The following SEMA3F variants were observed in gnomAD, a reference collection of about 807,000 sequenced individuals.
SEMA3F encodes semaphorin 3F, also known as semaphorin-3F.
SEMA3F carries 30 observed loss-of-function variants against 98.5 expected under a neutral mutation model. The observed-to-expected ratio is 0.30, with a 90% confidence interval of 0.23 to 0.41. The LOEUF (loss-of-function observed/expected upper bound fraction) is 0.41. SEMA3F is among the 10% of genes least tolerant of loss of function. The pLI, the probability that SEMA3F is intolerant of heterozygous loss-of-function variation, is 1.00. For synonymous variants in SEMA3F, 380 were observed against 444.8 expected, an observed-to-expected ratio of 0.85 and a Z score of 1.83; for missense variants, 866 against 1,119.3, an observed-to-expected ratio of 0.77 and a Z score of 3.23.
intron 16 of SEMA3F, 96 bp downstream of exon 16, chr3:50,186,142 G>A (rs1034527630): frequency 4.8e-6 from 7 of 1,471,102 alleles, no homozygotes; most frequent in Non-Finnish European, 4.7e-6. Flanking sequence ...GGGTGCATGT[G>A]ATATTACCCT....
chr3:50,175,119 G>T lies in SEMA3F; in HGVS notation c.480G>T (p.Gln160His). The T allele has an allele frequency of 6.2e-7, 1 of 1,611,396 alleles. No individual in the cohort carries two copies. Among genetic ancestry groups the T allele is most frequent in the Non-Finnish European group, 8.5e-7 (1 of 1,179,148 alleles). The change falls in exon 6 of 19, where the codon CAG becomes CAT. Residue 160 changes from glutamine to histidine, a missense_variant. Physicochemically the swap from Gln to His is conservative, Grantham distance 24. Transcript: ENST00000002829. ...AGGCCACACCATGGACCCAGACTCA[G>T]GCGGTCAGAGGCCGCGGCAGCAGAG... ...RAQATPWTQTQAVRGRGSRAT... is the reference protein window; with the variant it reads ...RAQATPWTQTHAVRGRGSRAT...
chr3:50,180,977 G>C (rs1293614288), intron 7 of SEMA3F, among the ~76,000 whole-genome samples: 3 of 151,880 alleles, frequency 2.0e-5, no homozygotes, highest in African/African-American at 4.8e-5. Flanking sequence ...TGAGGCAAGA[G>C]AGTTGCTTGA....
In SEMA3F at chr3:50,188,221, A is replaced by C; in HGVS notation, c.*106A>C. 2.6e-6 allele frequency: 1 copy of C among 384,018 alleles called. No individual in the cohort carries two copies. The highest frequency in any genetic ancestry group is 2.1e-5 in the African/African-American group (1 of 47,422). The allele number at this position is 384,018 out of a possible 1,614,324, so 23.8% of individuals were successfully genotyped here. On this transcript the variant is annotated 3_prime_UTR_variant, in exon 19 of 19. Coordinates refer to ENST00000002829, the MANE Select transcript of SEMA3F (RefSeq NM_004186.5). This position sits in a 1 kb window ranked among gnomAD's most constrained non-coding sequence, Gnocchi z 4.5. ...TATAAAATATCTATATTCTATACAC[A>C]CCCTGCCCCTGCAAAGACAGTATTT...
At chr3:50,185,198 G>T (rs1385689339) in intron 13 of SEMA3F, among the ~76,000 whole-genome samples, 2 of 152,202 alleles carry the variant, frequency 1.3e-5, no homozygotes, top group African/African-American at 4.8e-5. Context: ...GAGAATGCAT[G>T]CCCCAGTGTC....
chr3:50,161,665 T>C (rs751598504), intron 2 of SEMA3F, among the ~76,000 whole-genome samples: 5 of 152,224 alleles, frequency 3.3e-5, no homozygotes, highest in African/African-American at 4.8e-5. Context: ...ATTTTGTGCT[T>C]AGACTTCACT....
In SEMA3F at chr3:50,183,272, G is replaced by C. The variant is rs1378566428; in HGVS notation, c.1088+17G>C. ...CTCCTCTGGGTGAGGCTGGGGTCAG[G>C]GCCAGCAGTGGCAGGGAGTGGCCCC... On this transcript the variant is annotated intron_variant, in intron 11 of 18. Coordinates refer to ENST00000002829, the MANE Select transcript of SEMA3F (RefSeq NM_004186.5). 1 of 1,613,106 alleles carries C rather than the reference G, an allele frequency of 6.2e-7. No individual in the cohort carries two copies. The highest frequency in any genetic ancestry group is 8.5e-7 in the Non-Finnish European group (1 of 1,179,188).
chr3:50,170,594 G>A (rs1364654845), intron 2 of SEMA3F, among the ~76,000 whole-genome samples: 8 of 152,104 alleles, frequency 5.3e-5, no homozygotes, highest in Non-Finnish European at 1.0e-4. Flanking sequence ...AGATCAGAAC[G>A]GGGTCACTGA....
intron 2 of SEMA3F, among the ~76,000 whole-genome samples, chr3:50,168,759 C>T (rs1698499235): frequency 6.6e-6 from 1 of 152,098 alleles, no homozygotes; most frequent in Non-Finnish European, 1.5e-5. Context: ...GTGGGGGTAT[C>T]CGGTAGGGAC....
Position 50,155,508 on chromosome 3 carries a change from AGCCGCTCCGT to A in SEMA3F, c.-99_-90del. The A allele has an allele frequency of 3.1e-6, 1 of 322,018 alleles. No individual in the cohort carries two copies. The highest frequency in any genetic ancestry group is 5.6e-6 in the Non-Finnish European group (1 of 177,280). 19.9% of individuals were successfully genotyped at this position (322,018 alleles called of 1,614,324 possible). ...CGCTAGCGCGGACCGGCCCAACGGG[AGCCGCTCCGT>A]GCCGCCGCCGCCGCCCGGGCGCCCA... On this transcript the variant is annotated 5_prime_UTR_variant, in exon 1 of 19. Transcript: ENST00000002829. This position sits in a 1 kb window ranked among gnomAD's most constrained non-coding sequence, Gnocchi z 4.9.
At chr3:50,155,080 C>A, upstream of SEMA3F, 1 of 386,162 alleles carries the variant, frequency 2.6e-6, no homozygotes, top group South Asian at 3.9e-5. This position sits in a 1 kb window ranked among gnomAD's most constrained non-coding sequence, Gnocchi z 4.9. Context: ...CCGCCGGCGG[C>A]CGCGAGACCA....
intron 13 of SEMA3F, 95 bp from the exon 14 acceptor site, chr3:50,185,348 A>AG: frequency 8.6e-7 from 1 of 1,158,928 alleles, no homozygotes; most frequent in Non-Finnish European, 1.2e-6. Context: ...CCAATGCCCT[A>AG]GGGGGGTTTG....
intron 14 of SEMA3F, 36 bp downstream of exon 14, chr3:50,185,567 C>T (rs777866148): frequency 6.2e-7 from 1 of 1,612,420 alleles, no homozygotes; most frequent in Non-Finnish European, 8.5e-7. Context: ...ACCTCCCCAC[C>T]TTTACCCTCC....
intron 14 of SEMA3F, 59 bp from the exon 15 acceptor site, chr3:50,185,607 C>T: frequency 6.2e-7 from 1 of 1,610,924 alleles, no homozygotes; most frequent in Non-Finnish European, 8.5e-7. Flanking sequence ...CCTGAGACCT[C>T]TAGGTCAGGG....
rs1455361190 is a variant in SEMA3F, at chr3:50,156,571, C to A, written c.-49+1007C>A. On this transcript the variant is annotated intron_variant, in intron 1 of 18. Coordinates refer to ENST00000002829, the MANE Select transcript of SEMA3F (RefSeq NM_004186.5). This position sits in a 1 kb window ranked among gnomAD's most constrained non-coding sequence, Gnocchi z 4.5. Reference sequence around the variant, plus strand: ...TATCCTAGTTGCAGAGAAGGGAAAACTGCACCCAGGGGTTGGGAGCCCCAT... The same window carrying A: ...TATCCTAGTTGCAGAGAAGGGAAAAATGCACCCAGGGGTTGGGAGCCCCAT... 2.0e-5 allele frequency among the ~76,000 whole-genome samples: 3 copies of A among 152,222 alleles called. No homozygotes were observed. Among genetic ancestry groups the A allele is most frequent in the Non-Finnish European group, 4.4e-5 (3 of 68,038 alleles).
chr3:50,182,623 G>C lies in SEMA3F; in HGVS notation c.764-21G>C. The C allele has an allele frequency of 6.8e-6, 11 of 1,608,198 alleles. No individual in the cohort carries two copies. Among genetic ancestry groups the C allele is most frequent in the Non-Finnish European group, 9.4e-6 (11 of 1,175,832 alleles). ...CACCATCAGAGTAGGGGCTCACCCA[G>C]CTGACCCCTGCCACCTGCAGACCCG... On this transcript the variant is annotated intron_variant, in intron 8 of 18. Transcript: ENST00000002829. The surrounding 1 kb of genome is among the most constrained non-coding windows in gnomAD (Gnocchi z 4.5).
intron 18 of SEMA3F, 104 bp from the exon 19 acceptor site, chr3:50,187,601 G>T: frequency 1.1e-6 from 1 of 869,932 alleles, no homozygotes; most frequent in South Asian, 2.3e-5. Flanking sequence ...ATCCCACATG[G>T]GTGCCTCTAC....
In SEMA3F at chr3:50,163,006, G is replaced by A. The variant is rs3774740; in HGVS notation, c.112+3272G>A. Among the ~76,000 whole-genome samples, 15 of 152,304 alleles carry A rather than the reference G, an allele frequency of 9.8e-5. No individual in the cohort carries two copies. The East Asian group carries it at 2.9e-3, about 29-fold the overall frequency. ...GTTTCCTGTGAGGAAGGAGGCTTAC[G>A]GGGGCTGAGCGGCTTCCCAGGTCAC... On this transcript the variant is annotated intron_variant, in intron 2 of 18. Coordinates refer to ENST00000002829, the MANE Select transcript of SEMA3F (RefSeq NM_004186.5).
intron 2 of SEMA3F, among the ~76,000 whole-genome samples, chr3:50,162,626 G>C (rs1030239916): frequency 1.3e-5 from 2 of 152,158 alleles, no homozygotes; most frequent in African/African-American, 4.8e-5. Flanking sequence ...CAGGCTCTGG[G>C]GCACCACCTC....
At chr3:50,163,356 T>C (rs13069856) in intron 2 of SEMA3F, among the ~76,000 whole-genome samples, 7,080 of 152,282 alleles carry the variant, frequency 0.046, 245 homozygotes, top group South Asian at 0.071. Flanking sequence ...TAGGAAGGCC[T>C]CTCATGTCAG....
Sources: gnomAD v4.1 joint callset for allele counts (sites outside exome capture counted in the v4.1 genomes callset) on GRCh38, gnomAD v4.1.1 for gene constraint, Gnocchi (gnomAD v3.1) non-coding constraint, MANE v1.5 for transcripts, NCBI Gene and HGNC (gene_info 2026-07-23, HGNC 2026-07-21) for gene names.